GPD1L: variants seen among roughly 807,000 people sequenced by gnomAD.
GPD1L encodes the protein glycerol-3-phosphate dehydrogenase 1-like protein.
GPD1L carries 17 observed loss-of-function variants against 32.9 expected under a neutral mutation model. That is an observed-to-expected ratio of 0.52 (90% CI 0.35 to 0.78). The LOEUF is 0.78. Ranked by LOEUF, GPD1L falls within the 30% of genes least tolerant of loss-of-function variation. GPD1L has a pLI of 0.01. For synonymous variants in GPD1L, 187 were observed against 165.9 expected (o/e 1.13, Z -0.98); for missense variants, 361 against 447.8 (o/e 0.81, Z 1.75).
At chr3:32,116,345 T>C (rs1391948010) in intron 1 of GPD1L, among the ~76,000 whole-genome samples, 2 of 152,238 alleles carry the variant, frequency 1.3e-5, no homozygotes, top group African/African-American at 4.8e-5. Flanking sequence ...CAGTCTAATT[T>C]CAGAGCATTC....
At chr3:32,137,385 C>T (rs1001662638) in intron 2 of GPD1L, among the ~76,000 whole-genome samples, 3 of 152,198 alleles carry the variant, frequency 2.0e-5, no homozygotes, top group Non-Finnish European at 4.4e-5. Flanking sequence ...TCTGCCATCT[C>T]GGCATGTGCT....
intron 4 of GPD1L, among the ~76,000 whole-genome samples, chr3:32,145,701 G>T (rs1418593372): frequency 2.0e-5 from 3 of 152,212 alleles, no homozygotes; most frequent in African/African-American, 7.2e-5. Context: ...ACCCAACCCA[G>T]ATGATGCAAC....
At chr3:32,133,881 CA>C (rs1700621609) in intron 2 of GPD1L, among the ~76,000 whole-genome samples, 1 of 152,170 alleles carries the variant, frequency 6.6e-6, no homozygotes, top group Admixed American at 6.5e-5. Context: ...CAGACTTCAC[CA>C]GCTTTGTTTC....
At chr3:32,114,869 G>A (rs757299095) in intron 1 of GPD1L, among the ~76,000 whole-genome samples, 10 of 152,116 alleles carry the variant, frequency 6.6e-5, no homozygotes, top group East Asian at 1.9e-4. Context: ...TAAAGGTGGC[G>A]CGTTCAGAGT....
chr3:32,106,632 C>A lies in GPD1L; in HGVS notation c.-80C>A. On this transcript the variant is annotated 5_prime_UTR_variant, in exon 1 of 8. Coordinates refer to ENST00000282541, the MANE Select transcript of GPD1L (RefSeq NM_015141.4). The surrounding 1 kb of genome is among the most constrained non-coding windows in gnomAD (Gnocchi z 4.0). ...CGAAAGGGGCGGGGCCGCCGCCAGC[C>A]GCTGCGGGCAAGGCTGAACAGGCGG... The A allele has an allele frequency of 1.5e-6, 2 of 1,339,874 alleles. No individual in the cohort carries two copies. The highest frequency in any genetic ancestry group is 3.0e-5 in the East Asian group (1 of 33,766). 83.0% of individuals were successfully genotyped at this position (1,339,874 alleles called of 1,614,324 possible).
chr3:32,120,581 G>A (rs61498539), intron 1 of GPD1L, among the ~76,000 whole-genome samples: 1 of 152,262 alleles, frequency 6.6e-6, no homozygotes, highest in African/African-American at 2.4e-5. Context: ...TATCTGGTGC[G>A]AGTTAGGTAC....
chr3:32,135,868 C>T (rs1047214429), intron 2 of GPD1L, among the ~76,000 whole-genome samples: 1 of 152,094 alleles, frequency 6.6e-6, no homozygotes, highest in Non-Finnish European at 1.5e-5. Context: ...ATCTTCACCA[C>T]TTGTGGACTA....
At position 32,130,025 on chromosome 3, in the gene GPD1L, T is replaced by G. The variant is rs78118413; in HGVS notation, c.225+1772T>G. 3.4e-3 allele frequency among the ~76,000 whole-genome samples: 512 copies of G among 152,290 alleles called. 2 individuals are homozygous for G. The highest frequency in any genetic ancestry group is 0.012 in the African/African-American group (488 of 41,580). ...GTGTGTGACCTTGCTTTCTGGTTCT[T>G]CATTCACCCACAGTCCCTAGCACAG... On this transcript the variant is annotated intron_variant, in intron 2 of 7. Coordinates refer to ENST00000282541, the MANE Select transcript of GPD1L (RefSeq NM_015141.4).
chr3:32,128,428 T>G lies in GPD1L; in HGVS notation c.225+175T>G, dbSNP rs72850643. Among the ~76,000 whole-genome samples the G allele has an allele frequency of 0.059, 9,019 of 152,252 alleles. 476 individuals are homozygous for G. The highest frequency in any genetic ancestry group is 0.15 in the East Asian group (756 of 5,170). On this transcript the variant is annotated intron_variant, in intron 2 of 7. Transcript: ENST00000282541. ...TCTGAAAATGGGTTTCCTATTATGT[T>G]GCTAAGGATGCCTTAACAAAGTGCC...
At chr3:32,149,500 T>C (rs1188635654) in intron 5 of GPD1L, among the ~76,000 whole-genome samples, 1 of 152,246 alleles carries the variant, frequency 6.6e-6, no homozygotes, top group African/African-American at 2.4e-5. Context: ...AAAACAACTC[T>C]CTACAAGGAT....
At chr3:32,139,426 CAG>C (rs1490484356) in intron 3 of GPD1L, among the ~76,000 whole-genome samples, 2 of 152,120 alleles carry the variant, frequency 1.3e-5, no homozygotes, top group Non-Finnish European at 2.9e-5. Flanking sequence ...ATTAATAAAA[CAG>C]TGCATATATT....
chr3:32,146,609 AAC>A lies in GPD1L; in HGVS notation c.506-12_506-11del. The A allele has an allele frequency of 6.7e-7, 1 of 1,494,396 alleles. No homozygotes were observed. Among genetic ancestry groups the A allele is most frequent in the Non-Finnish European group, 9.3e-7 (1 of 1,070,958 alleles). 92.6% of individuals were successfully genotyped at this position (1,494,396 alleles called of 1,614,324 possible). On this transcript the variant is annotated splice_polypyrimidine_tract_variant and intron_variant, in intron 4 of 7. Coordinates refer to ENST00000282541, the MANE Select transcript of GPD1L (RefSeq NM_015141.4). ...GCTGTTATTAATATCCTTGTTGTCT[AAC>A]CTTTCAACAGGCAGCAAAGTAATGG...
rs139369157 is a variant in GPD1L, at chr3:32,140,365, C to T, written c.504C>T (p.Ile168=). 9.3e-6 allele frequency: 15 copies of T among 1,614,076 alleles called. No homozygotes were observed. Among genetic ancestry groups the T allele is most frequent in the East Asian group, 8.9e-5 (4 of 44,886 alleles). The change falls in exon 4 of 8, where the codon ATC becomes ATT. Residue 168 remains isoleucine, a splice_region_variant and synonymous_variant. Transcript: ENST00000282541. ...VAAEKFCETT[I]GSKVMENGLL... ...CAGAGAAGTTCTGTGAGACCACCATCGGTAAGCACTGCCTGGGAGGGACCC... is the reference window on the plus strand; with the variant it reads ...CAGAGAAGTTCTGTGAGACCACCATTGGTAAGCACTGCCTGGGAGGGACCC...
At chr3:32,121,519 C>CTATATATATATATT in intron 1 of GPD1L, among the ~76,000 whole-genome samples, 2 of 40,714 alleles carry the variant, frequency 4.9e-5, no homozygotes, top group South Asian at 5.3e-4. Flanking sequence ...ATATATTTCT[C>CTATATATATATATT]TCTATATATA....
At chr3:32,159,204 A>G (rs913183379) in intron 6 of GPD1L, 95 bp downstream of exon 6, 10 of 912,520 alleles carry the variant, frequency 1.1e-5, no homozygotes, top group African/African-American at 4.9e-5. Flanking sequence ...TCATGCCAGC[A>G]TCTATTTGCT....
intron 1 of GPD1L, among the ~76,000 whole-genome samples, chr3:32,114,477 G>T (rs538335350): frequency 6.6e-6 from 1 of 152,256 alleles, no homozygotes; most frequent in South Asian, 2.1e-4. Context: ...TTATGATGGA[G>T]GATACTTCAT....
intron 5 of GPD1L, among the ~76,000 whole-genome samples, chr3:32,152,121 A>G (rs1295697520): frequency 2.0e-5 from 3 of 152,222 alleles, no homozygotes; most frequent in Admixed American, 6.5e-5. Flanking sequence ...TGAAAATACA[A>G]AATGCTCCAA....
At chr3:32,140,196 T>C (rs1481873532) in intron 3 of GPD1L, 32 bp from the exon 4 acceptor site, 1 of 1,613,404 alleles carries the variant, frequency 6.2e-7, no homozygotes, top group Non-Finnish European at 8.5e-7. Context: ...TTTGGCGGTT[T>C]GTTCTCTCCT....
intron 5 of GPD1L, chr3:32,151,496 T>C (rs989022223): frequency 8.7e-6 from 3 of 346,490 alleles, no homozygotes; most frequent in Admixed American, 4.4e-5. Context: ...TTTATTTTTT[T>C]TGAGACAGGG....
Sources: gnomAD v4.1 joint callset for allele counts (sites outside exome capture counted in the v4.1 genomes callset) on GRCh38, gnomAD v4.1.1 for gene constraint, Gnocchi (gnomAD v3.1) non-coding constraint, MANE v1.5 for transcripts, NCBI Gene and HGNC (gene_info 2026-07-23, HGNC 2026-07-21) for gene names.